Variants in FAM53B observed in about 807,000 individuals in gnomAD.
The protein encoded by FAM53B is family with sequence similarity 53 member B, also known as protein FAM53B.
Under a neutral mutation model 32.7 loss-of-function variants are expected in FAM53B, and 12 were observed. That is an observed-to-expected ratio of 0.37 (90% CI 0.24 to 0.59). The LOEUF (loss-of-function observed/expected upper bound fraction) is 0.59, where lower values mean the gene tolerates loss of function less well. FAM53B is among the 20% of genes least tolerant of loss of function. The pLI, the probability that FAM53B is intolerant of heterozygous loss-of-function variation, is 0.72. For synonymous variants in FAM53B, 234 were observed against 228.7 expected (o/e 1.02, Z -0.21); for missense variants, 477 against 577.7 (o/e 0.83, Z 1.79).
At position 124,674,258 on chromosome 10, in the gene FAM53B, C is replaced by A. The variant is rs1173783643; in HGVS notation, c.906+7349G>T. ...ATTCCTGAGGGGAGGACAGTTCACA[C>A]TGGATGAGCAGCAGGCCCCTCCTTT... On this transcript the variant is annotated intron_variant, in intron 4 of 4. Coordinates refer to ENST00000337318, the MANE Select transcript of FAM53B (RefSeq NM_014661.4). 2.0e-5 allele frequency among the ~76,000 whole-genome samples: 3 copies of A among 152,326 alleles called. No homozygotes were observed. In the East Asian group the frequency reaches 5.8e-4, roughly 29 times the overall value.
At chr10:124,632,631 C>T (rs1221012277) in intron 4 of FAM53B, among the ~76,000 whole-genome samples, 2 of 152,248 alleles carry the variant, frequency 1.3e-5, no homozygotes, top group African/African-American at 2.4e-5. Flanking sequence ...TGAGCACGGC[C>T]TCTGGGCTCC....
At chr10:124,685,722 C>T (rs1443922917) in intron 3 of FAM53B, among the ~76,000 whole-genome samples, 3 of 152,180 alleles carry the variant, frequency 2.0e-5, no homozygotes, top group South Asian at 2.1e-4. Context: ...AAATCACTTC[C>T]AAAAGGGGAA....
At chr10:124,722,111 T>G (rs1445693383) in intron 1 of FAM53B, among the ~76,000 whole-genome samples, 1 of 152,214 alleles carries the variant, frequency 6.6e-6, no homozygotes, top group East Asian at 1.9e-4. Flanking sequence ...GAGTACGTTC[T>G]AGTGTTCTAT....
At chr10:124,714,189 G>A (rs1950024296) in intron 1 of FAM53B, 1 of 151,968 alleles carries the variant, frequency 6.6e-6, no homozygotes, top group African/African-American at 2.4e-5. Flanking sequence ...TCTGCTTGCT[G>A]ATTTTATATA....
intron 2 of FAM53B, among the ~76,000 whole-genome samples, chr10:124,704,683 A>G (rs1949939098): frequency 6.6e-6 from 1 of 152,214 alleles, no homozygotes; most frequent in Non-Finnish European, 1.5e-5. Context: ...AAGCAGTCAC[A>G]TGGACAAGAA....
chr10:124,723,799 A>C (rs1950084889), intron 1 of FAM53B, among the ~76,000 whole-genome samples: 1 of 152,222 alleles, frequency 6.6e-6, no homozygotes, highest in Non-Finnish European at 1.5e-5. Flanking sequence ...CTCCACAGAG[A>C]GCAAAATGGG....
chr10:124,698,990 C>T (rs563407345), intron 2 of FAM53B, among the ~76,000 whole-genome samples: 1 of 152,276 alleles, frequency 6.6e-6, no homozygotes. Flanking sequence ...CAGTCACTAC[C>T]ATCTCAGGGG....
intron 4 of FAM53B, among the ~76,000 whole-genome samples, chr10:124,668,129 G>T (rs972234606): frequency 2.0e-5 from 3 of 152,240 alleles, no homozygotes; most frequent in Non-Finnish European, 4.4e-5. Context: ...TTCCCTGCGT[G>T]AATCAAGCTG....
chr10:124,632,814 C>T (rs988059317), intron 4 of FAM53B, among the ~76,000 whole-genome samples: 4 of 152,244 alleles, frequency 2.6e-5, no homozygotes, highest in African/African-American at 9.6e-5. Flanking sequence ...TGCAATCGCA[C>T]CCCATCACTC....
At chr10:124,722,127 T>C (rs1950072043) in intron 1 of FAM53B, among the ~76,000 whole-genome samples, 1 of 152,152 alleles carries the variant, frequency 6.6e-6, no homozygotes, top group Non-Finnish European at 1.5e-5. Context: ...TCTATAGCAC[T>C]GTAGGATGAC....
At chr10:124,719,465 G>C (rs1950055921) in intron 1 of FAM53B, among the ~76,000 whole-genome samples, 1 of 152,164 alleles carries the variant, frequency 6.6e-6, no homozygotes, top group Non-Finnish European at 1.5e-5. Flanking sequence ...ATCTAAGCGA[G>C]AGTCAAAAGA....
intron 4 of FAM53B, among the ~76,000 whole-genome samples, chr10:124,647,364 A>T (rs561206650): frequency 6.6e-6 from 1 of 152,220 alleles, no homozygotes; most frequent in African/African-American, 2.4e-5. Context: ...TCTTGCTCAT[A>T]AACCCCACTC....
intron 1 of FAM53B, among the ~76,000 whole-genome samples, chr10:124,740,675 C>CA (rs1239005051): frequency 1.3e-5 from 2 of 152,198 alleles, no homozygotes; most frequent in Non-Finnish European, 2.9e-5. Context: ...GAAAGAGAGT[C>CA]AATGATTTTT....
At chr10:124,660,588 G>A (rs545170348) in intron 4 of FAM53B, among the ~76,000 whole-genome samples, 3 of 152,200 alleles carry the variant, frequency 2.0e-5, no homozygotes, top group Admixed American at 6.5e-5. Flanking sequence ...CGGTGAGCAC[G>A]GCAGAGCCTG....
chr10:124,696,911 T>C (rs1253608062), intron 2 of FAM53B, among the ~76,000 whole-genome samples: 2 of 152,196 alleles, frequency 1.3e-5, no homozygotes, highest in African/African-American at 4.8e-5. Flanking sequence ...GCTTCCCTGA[T>C]GCCCCCCGCC....
intron 2 of FAM53B, among the ~76,000 whole-genome samples, chr10:124,699,284 TC>T (rs998123263): frequency 2.0e-5 from 3 of 152,184 alleles, no homozygotes; most frequent in African/African-American, 7.2e-5. Context: ...CGCCAGCCTG[TC>T]CCACTCCTGC....
chr10:124,633,583 A>G (rs1211218899), intron 4 of FAM53B, among the ~76,000 whole-genome samples: 1 of 152,256 alleles, frequency 6.6e-6, no homozygotes, highest in African/African-American at 2.4e-5. Context: ...CTAAAACAGC[A>G]TATTAGTATG....
Position 124,642,451 on chromosome 10 carries a change from G to C in FAM53B, c.907-18847C>G, listed in dbSNP as rs376974134. Among the ~76,000 whole-genome samples the C allele has an allele frequency of 3.3e-5, 5 of 152,370 alleles. No individual in the cohort carries two copies. In the South Asian group the frequency reaches 1.0e-3, roughly 32 times the overall value. On this transcript the variant is annotated intron_variant, in intron 4 of 4. Transcript: ENST00000337318. ...CAAAACAGAAGGGCAGCCCGGCATA[G>C]CCCAGATGTCACCTTCTCAAGCCTG...
chr10:124,625,213 T>A (rs908685021), intron 4 of FAM53B, among the ~76,000 whole-genome samples: 8 of 152,280 alleles, frequency 5.3e-5, no homozygotes, highest in African/African-American at 1.9e-4. Flanking sequence ...TGGAGGAAGG[T>A]ATATGTGCCT....
Sources: gnomAD v4.1 joint callset for allele counts (sites outside exome capture counted in the v4.1 genomes callset) on GRCh38, gnomAD v4.1.1 for gene constraint, MANE v1.5 for transcripts, NCBI Gene and HGNC (gene_info 2026-07-23, HGNC 2026-07-21) for gene names.